The following ARHGAP31 variants were observed in gnomAD, a reference collection of about 807,000 sequenced individuals.
ARHGAP31 encodes rho GTPase-activating protein 31.
ARHGAP31 carries 34 observed loss-of-function variants against 113.9 expected under a neutral mutation model. The ratio of observed to expected loss-of-function variants is 0.30; its 90% CI spans 0.23 to 0.40. The LOEUF (loss-of-function observed/expected upper bound fraction) is 0.40, where lower values mean the gene tolerates loss of function less well. ARHGAP31 is among the 10% of genes least tolerant of loss of function. The pLI is 1.00. For synonymous variants in ARHGAP31, 650 were observed against 684.8 expected (o/e 0.95, Z 0.79); for missense variants, 1,548 against 1,767.1 (o/e 0.88, Z 2.22).
rs1276699267 is a variant in ARHGAP31 at position 119,409,549 on chromosome 3, C to T, written c.1699C>T (p.Pro567Ser). The change falls in exon 11 of 12, where the codon CCG becomes TCG. Residue 567 changes from proline (P) to serine (S), a missense_variant. Pro to Ser is a moderately conservative substitution (Grantham distance 74). Transcript: ENST00000264245. ...LEDAKAVPEA[P>S]GTVECSKGLS... ...GGATGCCAAGGCAGTACCTGAAGCA[C>T]CGGGGACAGTGGAATGCAGCAAAGG... 1 of 1,614,214 alleles carries T rather than the reference C, an allele frequency of 6.2e-7. No individual in the cohort carries two copies. Among genetic ancestry groups the T allele is most frequent in the Non-Finnish European group, 8.5e-7 (1 of 1,180,042 alleles).
chr3:119,338,769 A>C (rs141272282), intron 1 of ARHGAP31, among the ~76,000 whole-genome samples: 1 of 152,356 alleles, frequency 6.6e-6, no homozygotes, highest in East Asian at 1.9e-4. Flanking sequence ...TGCATTATAC[A>C]CTTATTACTG....
rs1255286202 is a variant in ARHGAP31 at position 119,409,418 on chromosome 3, C to G, written c.1646-78C>G. 7.1e-6 allele frequency: 11 copies of G among 1,549,150 alleles called. No homozygotes were observed. The African/African-American group carries it at 1.2e-4, about 17-fold the overall frequency. ...ATCCTTCTGAAACAGGGCCAGGAGACAGGACAGTGACTGTGTTGGGAAGAG... is the reference window on the plus strand; with the variant it reads ...ATCCTTCTGAAACAGGGCCAGGAGAGAGGACAGTGACTGTGTTGGGAAGAG... On this transcript the variant is annotated intron_variant, in intron 10 of 11. Coordinates refer to ENST00000264245, the MANE Select transcript of ARHGAP31 (RefSeq NM_020754.4).
chr3:119,296,208 G>A (rs1487463163), intron 1 of ARHGAP31, among the ~76,000 whole-genome samples: 37 of 152,230 alleles, frequency 2.4e-4, no homozygotes, highest in Admixed American at 2.4e-3. Flanking sequence ...TTGCAGTGGT[G>A]TGATATTCCT....
rs908932702 is a variant in ARHGAP31 at position 119,377,674 on chromosome 3, A to G, written c.349-3230A>G. Among the ~76,000 whole-genome samples the G allele has an allele frequency of 3.3e-5, 5 of 152,058 alleles. No homozygotes were observed. The South Asian group carries it at 1.0e-3, about 32-fold the overall frequency. The stretch of plus-strand genomic sequence containing the variant: ...GACATAGCTATAAAGCCTGCCCTGA[A>G]GGACACACAGTGGTTCCTCTGGAGT... On this transcript the variant is annotated intron_variant, in intron 3 of 11. Transcript: ENST00000264245.
At chr3:119,327,370 C>T (rs2079855009) in intron 1 of ARHGAP31, among the ~76,000 whole-genome samples, 1 of 151,444 alleles carries the variant, frequency 6.6e-6, no homozygotes, top group Non-Finnish European at 1.5e-5. Flanking sequence ...ATGGTGAAAC[C>T]CCGTCTCTAC....
intron 1 of ARHGAP31, among the ~76,000 whole-genome samples, chr3:119,327,927 C>G (rs2079860374): frequency 6.6e-6 from 1 of 152,200 alleles, no homozygotes; most frequent in South Asian, 2.1e-4. Flanking sequence ...AATAATCCAT[C>G]TTGCTACTGT....
At chr3:119,337,156 G>C (rs556914168) in intron 1 of ARHGAP31, among the ~76,000 whole-genome samples, 1 of 152,176 alleles carries the variant, frequency 6.6e-6, no homozygotes, top group Non-Finnish European at 1.5e-5. Context: ...GAATGAAGCC[G>C]CGGACCCTGG....
intron 10 of ARHGAP31, among the ~76,000 whole-genome samples, chr3:119,406,554 T>C (rs1315014233): frequency 1.3e-5 from 2 of 152,214 alleles, no homozygotes; most frequent in East Asian, 3.8e-4. Context: ...TGAAGTTCTA[T>C]AGAGTCCATA....
At chr3:119,339,573 T>C (rs921067288) in intron 1 of ARHGAP31, among the ~76,000 whole-genome samples, 2 of 152,006 alleles carry the variant, frequency 1.3e-5, no homozygotes, top group African/African-American at 2.4e-5. Flanking sequence ...AGTAACAGAA[T>C]AGAGAATCCA....
rs138906422 is a variant in ARHGAP31 at position 119,405,521 on chromosome 3, C to T, written c.1645+3124C>T. 6.6e-5 allele frequency among the ~76,000 whole-genome samples: 10 copies of T among 152,274 alleles called. No homozygotes were observed. The East Asian group carries it at 1.9e-3, about 29-fold the overall frequency. Reference sequence around the variant, plus strand: ...TTAAGGATGTCACCTAGAAGCTGCACACATCGTTTCCACTGCCTCCCATCT... The same window carrying T: ...TTAAGGATGTCACCTAGAAGCTGCATACATCGTTTCCACTGCCTCCCATCT... On this transcript the variant is annotated intron_variant, in intron 10 of 11. Transcript: ENST00000264245.
intron 1 of ARHGAP31, among the ~76,000 whole-genome samples, chr3:119,361,118 G>C (rs1041928002): frequency 1.3e-5 from 2 of 152,160 alleles, no homozygotes; most frequent in African/African-American, 4.8e-5. Context: ...AGAATTCTGA[G>C]ACTTTGAGAC....
intron 3 of ARHGAP31, among the ~76,000 whole-genome samples, chr3:119,369,043 G>A (rs990256017): frequency 6.6e-6 from 1 of 152,224 alleles, no homozygotes; most frequent in African/African-American, 2.4e-5. Context: ...AGGGAGAGCA[G>A]GATAGGCAGT....
intron 10 of ARHGAP31, among the ~76,000 whole-genome samples, chr3:119,404,268 C>T (rs760108805): frequency 1.3e-5 from 2 of 152,138 alleles, no homozygotes; most frequent in African/African-American, 2.4e-5. Flanking sequence ...GTCTGTTATC[C>T]GTTTTTCCCC....
Position 119,373,700 on chromosome 3 carries a change from G to T in ARHGAP31, c.348+5184G>T, listed in dbSNP as rs375752019. On this transcript the variant is annotated intron_variant, in intron 3 of 11. Transcript: ENST00000264245. Reference sequence around the variant, plus strand: ...GCTGGTCTCAAACTCCTGACCTCAGGTGATCCACCTGCCTCGGCCTCCCAA... The same window carrying T: ...GCTGGTCTCAAACTCCTGACCTCAGTTGATCCACCTGCCTCGGCCTCCCAA... Among the ~76,000 whole-genome samples the T allele has an allele frequency of 5.9e-5, 9 of 152,208 alleles. No individual in the cohort carries two copies. The South Asian group carries it at 6.2e-4, about 11-fold the overall frequency.
chr3:119,300,546 C>T (rs977385875), intron 1 of ARHGAP31, among the ~76,000 whole-genome samples: 1 of 152,140 alleles, frequency 6.6e-6, no homozygotes, highest in African/African-American at 2.4e-5. Context: ...GACACAGCCA[C>T]AGCTGGGCAT....
At chr3:119,314,175 C>T (rs985222853) in intron 1 of ARHGAP31, 1 of 152,346 alleles carries the variant, frequency 6.6e-6, no homozygotes, top group East Asian at 1.9e-4. Flanking sequence ...CGTACACGTT[C>T]CTTCCTCTGT....
chr3:119,326,895 T>C (rs560954185), intron 1 of ARHGAP31, among the ~76,000 whole-genome samples: 1 of 152,332 alleles, frequency 6.6e-6, no homozygotes, highest in African/African-American at 2.4e-5. Context: ...CCTAGCACTT[T>C]AGGAGGCCAA....
intron 1 of ARHGAP31, chr3:119,314,655 CTG>C (rs949609957): frequency 4.6e-5 from 7 of 152,494 alleles, no homozygotes. Flanking sequence ...AATGGGGAGA[CTG>C]TGGAGGTGGC....
At chr3:119,321,651 GGTTTT>G (rs201263676) in intron 1 of ARHGAP31, among the ~76,000 whole-genome samples, 6 of 151,796 alleles carry the variant, frequency 4.0e-5, no homozygotes, top group Admixed American at 2.0e-4. Flanking sequence ...AGGCTCCGTA[GGTTTT>G]GTTTTGTTTT....
Sources: allele counts gnomAD v4.1 joint callset (sites outside exome capture counted in the v4.1 genomes callset), GRCh38; gene constraint gnomAD v4.1.1; transcripts MANE v1.5; gene names NCBI Gene and HGNC (gene_info 2026-07-23, HGNC 2026-07-21).